The following CEP295 variants were observed in gnomAD, a reference collection of about 807,000 sequenced individuals.
CEP295 encodes centrosomal protein of 295 kDa.
Under a neutral mutation model 291.6 loss-of-function variants are expected in CEP295, and 190 were observed. The observed-to-expected ratio is 0.65, with a 90% CI of 0.58 to 0.73. The LOEUF (loss-of-function observed/expected upper bound fraction) is 0.73, where lower values mean the gene tolerates loss of function less well. Ranked by LOEUF, CEP295 falls within the 30% of genes least tolerant of loss-of-function variation. The pLI is 0.00. For missense variants in CEP295, 2,863 were observed against 2,949.4 expected, an observed-to-expected ratio of 0.97 and a Z score of 0.68; for synonymous variants, 993 against 1,038.8, an observed-to-expected ratio of 0.96 and a Z score of 0.85.
rs1244580085 is a variant in CEP295 at position 93,727,697 on chromosome 11, T to G, written c.7161+60T>G. On this transcript the variant is annotated intron_variant, in intron 24 of 29. Coordinates refer to ENST00000325212, the MANE Select transcript of CEP295 (RefSeq NM_033395.2). ...AATTCCTTTTTGGGAAAAAACTTTT[T>G]TCTTCTAAAATTAGAGATGAAGTTC... 3.0e-6 allele frequency: 4 copies of G among 1,351,730 alleles called. No homozygotes were observed. The African/African-American group carries it at 5.9e-5, about 20-fold the overall frequency. 83.7% of individuals were successfully genotyped at this position (1,351,730 alleles called of 1,614,324 possible). A position where few individuals can be genotyped will look rare whatever the true frequency, so the allele number is the denominator to read the frequency against.
At chr11:93,678,381 G>T (rs771480516) in intron 6 of CEP295, among the ~76,000 whole-genome samples, 1 of 152,060 alleles carries the variant, frequency 6.6e-6, no homozygotes, top group South Asian at 2.1e-4. Flanking sequence ...GCTCAAAGCG[G>T]TTATATTCTT....
At chr11:93,683,502 A>G (rs1380719906) in intron 7 of CEP295, 57 bp from the exon 8 acceptor site, 3 of 1,269,220 alleles carry the variant, frequency 2.4e-6, no homozygotes, top group Middle Eastern at 1.9e-4. Flanking sequence ...CAACATTGTT[A>G]ATATTACCAT....
At chr11:93,728,462 TCC>T (rs2135368242) in intron 24 of CEP295, 2 of 429,438 alleles carry the variant, frequency 4.7e-6, no homozygotes, top group South Asian at 6.7e-5. Context: ...CACTATTTCA[TCC>T]CCTCCCCAAA....
At chr11:93,721,218 A>G in intron 18 of CEP295, 94 bp from the exon 19 acceptor site, 3 of 699,622 alleles carry the variant, frequency 4.3e-6, no homozygotes, top group Non-Finnish European at 5.0e-6. Context: ...ATTGTAGGAA[A>G]GCAGGGAATG....
At position 93,698,744 on chromosome 11, in the gene CEP295, C is replaced by A; in HGVS notation, c.3832C>A (p.Gln1278Lys). 1 of 1,551,646 alleles carries A rather than the reference C, an allele frequency of 6.4e-7. No homozygotes were observed. The highest frequency in any genetic ancestry group is 8.7e-7 in the Non-Finnish European group (1 of 1,147,000). ...AGCCTTTCATTTCAGCCAGAAAACC[C>A]AAGAAAATACATCTTCTGAACAAAC... Reference protein sequence around the residue: ...KEAFHFSQKTQENTSSEQTGS... With the variant: ...KEAFHFSQKTKENTSSEQTGS... The change falls in exon 15 of 30, where the codon CAA (glutamine) becomes AAA (lysine). Residue 1278 changes from glutamine (Q) to lysine (K), a missense_variant. Around this residue, in one of 3 missense-constraint regions of CEP295, gnomAD observed 2,295 missense variants for 2,335.7 expected, o/e 0.98. Coordinates refer to ENST00000325212, the MANE Select transcript of CEP295 (RefSeq NM_033395.2).
At chr11:93,695,363 A>G (rs1951797531) in intron 12 of CEP295, 134 bp from the exon 13 acceptor site, 1 of 513,898 alleles carries the variant, frequency 1.9e-6, no homozygotes, top group South Asian at 3.9e-5. Flanking sequence ...CAACAGAGAT[A>G]AAGCATCAAC....
At chr11:93,702,739 T>C in intron 16 of CEP295, 37 bp from the exon 17 acceptor site, 1 of 1,547,900 alleles carries the variant, frequency 6.5e-7, no homozygotes, top group Non-Finnish European at 8.7e-7. Context: ...TGTTAATAGA[T>C]TTTGTATTGT....
Position 93,679,529 on chromosome 11 carries a change from A to T in CEP295, c.742A>T (p.Met248Leu), listed in dbSNP as rs1565440333. Residue 248 changes from methionine (M) to leucine (L), a missense_variant, in exon 7 of 30, where the codon ATG becomes TTG. By Grantham distance (15) the Met-to-Leu change is conservative. Transcript: ENST00000325212. Reference protein sequence around the residue: ...EKAHVRGFQAMKKIHLAQNQE... With the variant: ...EKAHVRGFQALKKIHLAQNQE... ...GGCACATGTACGGGGATTCCAAGCA[A>T]TGAAGAAGATCCATTTGGCTCAAGT... is the stretch of plus-strand genomic sequence containing the variant. 40 of 1,551,484 alleles carry T rather than the reference A, an allele frequency of 2.6e-5. No individual in the cohort carries two copies. Among genetic ancestry groups the T allele is most frequent in the Non-Finnish European group, 3.4e-5 (39 of 1,146,860 alleles).
Position 93,695,808 on chromosome 11 carries a change from C to T in CEP295, c.1671+174C>T, listed in dbSNP as rs533125786. On this transcript the variant is annotated intron_variant, in intron 13 of 29. Transcript: ENST00000325212. ...GGCAGATCACTTCAGGTCAGGAGTT[C>T]GAGACCAGCCTGGCCAATGTGGTGA... The T allele has an allele frequency of 4.7e-4, 281 of 600,576 alleles. 3 individuals are homozygous for T. In the South Asian group the frequency reaches 4.7e-3, roughly 10 times the overall value. 37.2% of individuals were successfully genotyped at this position (600,576 alleles called of 1,614,324 possible).
At position 93,676,049 on chromosome 11, in the gene CEP295, A is replaced by G. The variant is rs114562267; in HGVS notation, c.624+383A>G. Reference sequence around the variant, plus strand: ...TAAATTCATTATAACCTTTATTTAAATATAAACATATACACACACTTTTCA... The same window carrying G: ...TAAATTCATTATAACCTTTATTTAAGTATAAACATATACACACACTTTTCA... On this transcript the variant is annotated intron_variant, in intron 6 of 29. Coordinates refer to ENST00000325212, the MANE Select transcript of CEP295 (RefSeq NM_033395.2). Among the ~76,000 whole-genome samples, 637 of 152,190 alleles carry G rather than the reference A, an allele frequency of 4.2e-3. 4 individuals are homozygous for G. The highest frequency in any genetic ancestry group is 0.015 in the African/African-American group (615 of 41,578).
chr11:93,705,910 T>A (rs1591091478), intron 17 of CEP295, among the ~76,000 whole-genome samples: 1 of 152,332 alleles, frequency 6.6e-6, no homozygotes, highest in Admixed American at 6.5e-5. Flanking sequence ...AAATACCTTT[T>A]AAGCTTGATA....
Position 93,697,036 on chromosome 11 carries a change from A to T in CEP295, c.2124A>T (p.Glu708Asp). ...ILTNQALESQ[E>D]HLRQFSQTET... ...CCAATCAAGCTTTAGAATCACAAGAACATCTAAGGCAATTCTCTCAGACTG... is the reference window on the plus strand; with the variant it reads ...CCAATCAAGCTTTAGAATCACAAGATCATCTAAGGCAATTCTCTCAGACTG... Residue 708 changes from glutamate (E) to aspartate (D), a missense_variant, in exon 15 of 30, where the codon GAA becomes GAT. Physicochemically the swap from Glu to Asp is conservative, Grantham distance 45 (BLOSUM62 2). Around this residue, in one of 3 missense-constraint regions of CEP295, gnomAD observed 2,295 missense variants for 2,335.7 expected, o/e 0.98. Transcript: ENST00000325212. The T allele has an allele frequency of 6.4e-7, 1 of 1,551,600 alleles. No homozygotes were observed. The highest frequency in any genetic ancestry group is 8.7e-7 in the Non-Finnish European group (1 of 1,146,990).
chr11:93,699,726 C>T lies in CEP295; in HGVS notation c.4814C>T (p.Ala1605Val), dbSNP rs1311892866. ...PILPQQDNMTAQLDAQREVMY... is the reference protein window; with the variant it reads ...PILPQQDNMTVQLDAQREVMY... The stretch of plus-strand genomic sequence containing the variant: ...CTGCCTCAGCAAGATAATATGACAG[C>T]ACAATTGGATGCACAAAGGGAAGTG... Residue 1605 changes from alanine (A) to valine (V), a missense_variant, in exon 15 of 30, where the codon GCA becomes GTA. Physicochemically the swap from Ala to Val is moderately conservative, Grantham distance 64. Around this residue, in one of 3 missense-constraint regions of CEP295, gnomAD observed 2,295 missense variants for 2,335.7 expected, o/e 0.98. Coordinates refer to ENST00000325212, the MANE Select transcript of CEP295 (RefSeq NM_033395.2). The T allele has an allele frequency of 1.3e-6, 2 of 1,551,706 alleles. No individual in the cohort carries two copies. The highest frequency in any genetic ancestry group is 3.9e-5 in the Admixed American group (2 of 51,006).
chr11:93,674,654 G>A (rs1320018631), intron 5 of CEP295, among the ~76,000 whole-genome samples: 1 of 152,026 alleles, frequency 6.6e-6, no homozygotes, highest in Admixed American at 6.6e-5. Context: ...GAAAGCCGAG[G>A]GACAGAAAAG....
chr11:93,710,717 A>G (rs1025443144), intron 18 of CEP295, among the ~76,000 whole-genome samples: 3 of 152,310 alleles, frequency 2.0e-5, no homozygotes, highest in African/African-American at 7.2e-5. Context: ...GTTCGGTAAA[A>G]TTCAGCAGTG....
chr11:93,721,767 A>G, intron 19 of CEP295, 187 bp from the exon 20 acceptor site: 2 of 724,628 alleles, frequency 2.8e-6, no homozygotes, highest in African/African-American at 1.7e-5. Context: ...GGGGGTGCGT[A>G]TGTATGTCTA....
intron 17 of CEP295, among the ~76,000 whole-genome samples, chr11:93,703,934 A>G (rs1167733136): frequency 6.6e-6 from 1 of 151,832 alleles, no homozygotes; most frequent in Non-Finnish European, 1.5e-5. Flanking sequence ...AAGCCCAGCT[A>G]ATTTTTTTAT....
intron 1 of CEP295, among the ~76,000 whole-genome samples, chr11:93,665,476 G>C (rs1398670491): frequency 6.6e-6 from 1 of 152,242 alleles, no homozygotes; most frequent in East Asian, 1.9e-4. Flanking sequence ...GGGAGGCTGA[G>C]GCAGGTGGAT....
In CEP295 at chr11:93,697,831, AT is replaced by A; in HGVS notation, c.2921del (p.Leu974CysfsTer26). On this transcript the variant is annotated frameshift_variant, in exon 15 of 30. Transcript: ENST00000325212. LOFTEE classifies it high-confidence loss of function. ...AGGCTAGGCGAGAAGCCCAGGAAGTATTGTATGTACATAAACAGAGTGAATT... is the reference window on the plus strand; with the variant it reads ...AGGCTAGGCGAGAAGCCCAGGAAGTATGTATGTACATAAACAGAGTGAATT... ...LQARREAQEV[L>X]YVHKQSELDR... 3 of 1,551,754 alleles carry A rather than the reference AT, an allele frequency of 1.9e-6. No homozygotes were observed. Among genetic ancestry groups the A allele is most frequent in the Non-Finnish European group, 2.6e-6 (3 of 1,146,974 alleles).
Sources: allele counts gnomAD v4.1 joint callset (sites outside exome capture counted in the v4.1 genomes callset), GRCh38; gene constraint gnomAD v4.1.1; regional missense constraint gnomAD v4.1.1; transcripts MANE v1.5; gene names NCBI Gene and HGNC (gene_info 2026-07-23, HGNC 2026-07-21).